The following CIT variants were observed in gnomAD, a reference collection of about 807,000 sequenced individuals.
CIT encodes the protein citron Rho-interacting kinase.
Under a neutral mutation model 272.7 loss-of-function variants are expected in CIT, and 79 were observed. The observed-to-expected ratio is 0.29, with a 90% CI of 0.24 to 0.35. The LOEUF (loss-of-function observed/expected upper bound fraction) is 0.35. Ranked by LOEUF, CIT falls within the 10% of genes least tolerant of loss-of-function variation. The pLI is 1.00. For missense variants in CIT, 1,909 were observed against 2,618.3 expected (o/e 0.73, Z 5.91); for synonymous variants, 948 against 995.6 (o/e 0.95, Z 0.90).
chr12:119,723,096 C>T (rs536404050), intron 28 of CIT, among the ~76,000 whole-genome samples: 11 of 151,964 alleles, frequency 7.2e-5, no homozygotes, highest in Non-Finnish European at 1.3e-4. Context: ...AATCATTTGG[C>T]CCGTGTGCGT....
At chr12:119,868,437 G>GT (rs1389649187) in intron 3 of CIT, among the ~76,000 whole-genome samples, 10 of 152,288 alleles carry the variant, frequency 6.6e-5, no homozygotes, top group Non-Finnish European at 1.2e-4. Flanking sequence ...CCCTGAGTGA[G>GT]TATAAGGACA....
chr12:119,753,526 G>C (rs1392867354), intron 22 of CIT, among the ~76,000 whole-genome samples: 1 of 152,082 alleles, frequency 6.6e-6, no homozygotes. Context: ...CACGAGGTCA[G>C]GAGTTCGAGA....
chr12:119,811,189 G>T (rs1020166216), intron 9 of CIT, among the ~76,000 whole-genome samples: 1 of 152,082 alleles, frequency 6.6e-6, no homozygotes, highest in South Asian at 2.1e-4. Context: ...AGCCGGGTGT[G>T]GTGATGCACA....
chr12:119,766,722 C>T lies in CIT; in HGVS notation c.2304+365G>A, dbSNP rs553434480. Among the ~76,000 whole-genome samples, 4 of 152,044 alleles carry T rather than the reference C, an allele frequency of 2.6e-5. No homozygotes were observed. In the East Asian group the frequency reaches 7.7e-4, roughly 29 times the overall value. On this transcript the variant is annotated intron_variant, in intron 19 of 47. Transcript: ENST00000392521. ...CTTATTTCATATTGCATGTCTGTAT[C>T]AAAACATCTCATGTACCCCATAAAT...
At chr12:119,755,544 C>T (rs1040670309) in intron 22 of CIT, among the ~76,000 whole-genome samples, 2 of 152,082 alleles carry the variant, frequency 1.3e-5, no homozygotes, top group Admixed American at 6.5e-5. Context: ...TGTATCTTCC[C>T]TCCCAGCCTG....
intron 37 of CIT, chr12:119,711,112 C>T: frequency 7.3e-7 from 1 of 1,366,466 alleles, no homozygotes; most frequent in Non-Finnish European, 9.8e-7. Flanking sequence ...CACATATTAA[C>T]AAGGATTTCA....
chr12:119,848,567 G>A (rs1969981900), intron 5 of CIT, among the ~76,000 whole-genome samples: 1 of 152,096 alleles, frequency 6.6e-6, no homozygotes, highest in South Asian at 2.1e-4. Context: ...TACACATCAG[G>A]GAAAATTATG....
intron 46 of CIT, among the ~76,000 whole-genome samples, chr12:119,691,011 A>C (rs1955915587): frequency 2.0e-5 from 3 of 152,132 alleles, no homozygotes; most frequent in Admixed American, 2.0e-4. Context: ...GTCTCTACTA[A>C]AAATACAAAA....
intron 3 of CIT, among the ~76,000 whole-genome samples, chr12:119,864,078 G>A (rs775873025): frequency 6.6e-5 from 10 of 151,208 alleles, no homozygotes; most frequent in East Asian, 3.9e-4. Context: ...TCAGATGCAC[G>A]TTTAACCTTC....
chr12:119,744,121 C>T (rs1322537115), intron 23 of CIT, among the ~76,000 whole-genome samples: 5 of 152,036 alleles, frequency 3.3e-5, no homozygotes, highest in Admixed American at 1.3e-4. Context: ...GTCATTCAAG[C>T]GAGAGATGAT....
At chr12:119,711,037 G>A (rs773657010) in intron 37 of CIT, 1 of 1,367,580 alleles carries the variant, frequency 7.3e-7, no homozygotes, top group Admixed American at 1.9e-5. Flanking sequence ...GCACGCCTCT[G>A]CATCTCTTTA....
In CIT at chr12:119,850,046, C is replaced by T. The variant is rs1484010526; in HGVS notation, c.516+128G>A. ...CTTTATAACGAGGAAACCAGGGAGACACCTGTAAGGTAAGAAAGTCTTTGC... is the reference window on the plus strand; with the variant it reads ...CTTTATAACGAGGAAACCAGGGAGATACCTGTAAGGTAAGAAAGTCTTTGC... On this transcript the variant is annotated intron_variant, in intron 5 of 47. Coordinates refer to ENST00000392521, the MANE Select transcript of CIT (RefSeq NM_001206999.2). 1.1e-5 allele frequency: 8 copies of T among 734,312 alleles called. No individual in the cohort carries two copies. In the East Asian group the frequency reaches 1.8e-4, roughly 16 times the overall value. The allele number at this position is 734,312 out of a possible 1,614,324, so 45.5% of individuals were successfully genotyped here.
intron 19 of CIT, among the ~76,000 whole-genome samples, chr12:119,764,985 T>A (rs183990970): frequency 6.6e-6 from 1 of 151,910 alleles, no homozygotes; most frequent in Non-Finnish European, 1.5e-5. Context: ...TTTTTTGTAT[T>A]TTTAGTAGAG....
At chr12:119,734,730 G>A (rs1196082310) in intron 25 of CIT, among the ~76,000 whole-genome samples, 2 of 152,164 alleles carry the variant, frequency 1.3e-5, no homozygotes, top group East Asian at 3.9e-4. Context: ...TCGACCTCCT[G>A]GGTTCAAGCG....
rs1473336953 is a variant in CIT at position 119,772,714 on chromosome 12, T to C, written c.2082+56A>G. On this transcript the variant is annotated intron_variant, in intron 17 of 47. Transcript: ENST00000392521. The stretch of plus-strand genomic sequence containing the variant: ...GTGATGGTCTGGCAGTTTCTTTCCT[T>C]GGGCACAGCCAAAGGCCGAGGCCGC... The C allele has an allele frequency of 1.9e-5, 29 of 1,500,616 alleles. No homozygotes were observed. The South Asian group carries it at 3.4e-4, about 18-fold the overall frequency. The allele number at this position is 1,500,616 out of a possible 1,614,324, so 93.0% of individuals were successfully genotyped here.
intron 9 of CIT, among the ~76,000 whole-genome samples, chr12:119,805,797 C>A (rs1466418536): frequency 1.3e-5 from 2 of 151,950 alleles, no homozygotes; most frequent in Non-Finnish European, 1.5e-5. Context: ...CAGCTTAATG[C>A]GGTTAAGATT....
At chr12:119,783,729 G>C in intron 12 of CIT, 179 bp downstream of exon 12, 1 of 647,940 alleles carries the variant, frequency 1.5e-6, no homozygotes, top group South Asian at 3.4e-5. Context: ...TCATTTCTTG[G>C]GGACCTTACG....
At position 119,765,111 on chromosome 12, in the gene CIT, A is replaced by G. The variant is rs1300143522; in HGVS notation, c.2304+1976T>C. 1.8e-4 allele frequency among the ~76,000 whole-genome samples: 28 copies of G among 152,162 alleles called. No individual in the cohort carries two copies. In the East Asian group the frequency reaches 4.4e-3, roughly 24 times the overall value. On this transcript the variant is annotated intron_variant, in intron 19 of 47. Transcript: ENST00000392521. ...GCGTGAACCACCGCACCCAGCCCCA[A>G]TCAAATTCTTAAAAGGAAAAGAGAG... is the stretch of plus-strand genomic sequence containing the variant.
At chr12:119,828,046 C>A (rs760054414) in intron 7 of CIT, among the ~76,000 whole-genome samples, 4 of 152,052 alleles carry the variant, frequency 2.6e-5, no homozygotes, top group Non-Finnish European at 5.9e-5. Context: ...GACAACCCAG[C>A]CAAACAGTAT....
Sources: gnomAD v4.1 joint callset for allele counts (sites outside exome capture counted in the v4.1 genomes callset) on GRCh38, gnomAD v4.1.1 for gene constraint, MANE v1.5 for transcripts, NCBI Gene and HGNC (gene_info 2026-07-23, HGNC 2026-07-21) for gene names.